The following TERF2 variants were observed in gnomAD, a reference collection of about 807,000 sequenced individuals.
TERF2 encodes telomeric repeat-binding factor 2.
In TERF2, 16 loss-of-function variants were observed where a neutral mutation model predicts 56.1. The ratio of observed to expected loss-of-function variants is 0.29; its 90% confidence interval spans 0.19 to 0.43. The LOEUF is 0.43. Among genes scored for constraint, TERF2 ranks in the 20% least tolerant of loss-of-function variants. The probability of loss-of-function intolerance (pLI) is 1.00; values close to 1 mark genes in which losing one functional copy is unlikely to be tolerated. For synonymous variants in TERF2, 296 were observed against 282.1 expected, an observed-to-expected ratio of 1.05 and a Z score of -0.50; for missense variants, 547 against 712.9, an observed-to-expected ratio of 0.77 and a Z score of 2.65.
rs1475791913 is a variant in TERF2, at chr16:69,356,954, T to C, written c.1573A>G (p.Thr525Ala). The C allele has an allele frequency of 6.2e-7, 1 of 1,613,974 alleles. No individual in the cohort carries two copies. The highest frequency in any genetic ancestry group is 8.5e-7 in the Non-Finnish European group (1 of 1,180,006). ...CAGCGATCCTTAATCATCACAGCTG[T>C]TCGGTTAACAAATGGGTAATTTTTA... is the stretch of plus-strand genomic sequence containing the variant. ...ISKNYPFVNR[T>A]AVMIKDRWRT... is the part of the protein sequence containing the mutation. Residue 525 changes from threonine to alanine, a missense_variant, in exon 10 of 10, where the codon ACA becomes GCA. Transcript: ENST00000254942.
Position 69,372,184 on chromosome 16 carries a change from C to A in TERF2, c.693+85G>T, listed in dbSNP as rs2013601115. 5.4e-6 allele frequency: 5 copies of A among 925,090 alleles called. No homozygotes were observed. In the East Asian group the frequency reaches 1.0e-4, roughly 19 times the overall value. 57.3% of individuals were successfully genotyped at this position (925,090 alleles called of 1,614,324 possible). A position where few individuals can be genotyped will look rare whatever the true frequency, so the allele number is the denominator to read the frequency against. ...GAAAGGAGAATATTTAAGTAATATT[C>A]CTGACCAAGAACCCTTTCCCTATTT... On this transcript the variant is annotated intron_variant, in intron 4 of 9. Coordinates refer to ENST00000254942, the MANE Select transcript of TERF2 (RefSeq NM_005652.5).
chr16:69,367,418 T>C (rs986202093), intron 6 of TERF2, among the ~76,000 whole-genome samples: 1 of 152,166 alleles, frequency 6.6e-6, no homozygotes, highest in Non-Finnish European at 1.5e-5. Flanking sequence ...TCCTAGACAG[T>C]AGATAGGACA....
At chr16:69,373,697 T>C (rs2013660245) in intron 3 of TERF2, among the ~76,000 whole-genome samples, 1 of 152,004 alleles carries the variant, frequency 6.6e-6, no homozygotes, top group Non-Finnish European at 1.5e-5. Flanking sequence ...CCCAGGCATG[T>C]TGGTGTGTGC....
chr16:69,370,219 T>C (rs908191799), intron 5 of TERF2: 7 of 442,278 alleles, frequency 1.6e-5, no homozygotes, highest in African/African-American at 1.2e-4. Context: ...TTAGTAGAGA[T>C]GGGGTTTCAC....
In TERF2 at chr16:69,385,446, G is replaced by C; in HGVS notation, c.420C>G (p.Ser140=). ...VRPLGKEHTV[S]RLLRVMQCLS... The stretch of plus-strand genomic sequence containing the variant: ...GACACTGCATAACCCGCAGCAATCG[G>C]GACACGGTGTGCTCCTTCCCCAAGG... The change falls in exon 2 of 10, where the codon TCC becomes TCG. Residue 140 remains serine (S), a synonymous_variant. Transcript: ENST00000254942. 6.2e-7 allele frequency: 1 copy of C among 1,614,082 alleles called. No homozygotes were observed. The highest frequency in any genetic ancestry group is 8.5e-7 in the Non-Finnish European group (1 of 1,180,010).
chr16:69,370,418 A>T, intron 5 of TERF2, 65 bp downstream of exon 5: 22 of 1,570,282 alleles, frequency 1.4e-5, no homozygotes, highest in Non-Finnish European at 1.9e-5. Flanking sequence ...TTCACTTCAG[A>T]TATTCTGATT....
At chr16:69,357,200 T>C (rs1240779688) in intron 9 of TERF2, 144 bp from the exon 10 acceptor site, 3 of 999,900 alleles carry the variant, frequency 3.0e-6, no homozygotes, top group African/African-American at 1.6e-5. Context: ...AAACATGGAA[T>C]GGACAAGATA....
At chr16:69,377,198 A>C (rs2013825016) in intron 3 of TERF2, among the ~76,000 whole-genome samples, 1 of 149,350 alleles carries the variant, frequency 6.7e-6, no homozygotes, top group Non-Finnish European at 1.5e-5. Flanking sequence ...GCAAGACTCC[A>C]TCTCAAAAAA....
At chr16:69,368,319 T>A in intron 6 of TERF2, 57 bp downstream of exon 6, 6 of 1,542,674 alleles carry the variant, frequency 3.9e-6, no homozygotes, top group Non-Finnish European at 5.4e-6. Flanking sequence ...AGGAGGAGAC[T>A]GCTTCCAGCG....
At chr16:69,382,247 A>C (rs2014030762) in intron 3 of TERF2, among the ~76,000 whole-genome samples, 1 of 152,268 alleles carries the variant, frequency 6.6e-6, no homozygotes, top group Non-Finnish European at 1.5e-5. Flanking sequence ...GAAAGATTCA[A>C]TATACTTTTA....
intron 3 of TERF2, among the ~76,000 whole-genome samples, chr16:69,374,183 T>C (rs1311293429): frequency 6.6e-6 from 1 of 152,198 alleles, no homozygotes; most frequent in Non-Finnish European, 1.5e-5. Context: ...ATCATACAGG[T>C]CTTACTGTTT....
Position 69,356,973 on chromosome 16 carries a change from A to G in TERF2, c.1554T>C (p.Asn518=). 1.2e-6 allele frequency: 2 copies of G among 1,613,972 alleles called. No individual in the cohort carries two copies. Among genetic ancestry groups the G allele is most frequent in the Non-Finnish European group, 1.7e-6 (2 of 1,180,002 alleles). The change falls in exon 10 of 10, where the codon AAT becomes AAC. Residue 518 remains asparagine (N), a synonymous_variant. Coordinates refer to ENST00000254942, the MANE Select transcript of TERF2 (RefSeq NM_005652.5). The part of the protein sequence containing the change: ...GEGNWAAISK[N]YPFVNRTAVM... ...CAGCTGTTCGGTTAACAAATGGGTA[A>G]TTTTTAGAAATGGCAGCCCAGTTTC...
intron 3 of TERF2, among the ~76,000 whole-genome samples, chr16:69,380,548 C>T (rs2013957323): frequency 6.6e-6 from 1 of 151,062 alleles, no homozygotes; most frequent in East Asian, 2.0e-4. Flanking sequence ...ATAACAGCTA[C>T]TTGGGAGGCT....
Position 69,385,916 on chromosome 16 carries a change from T to C in TERF2, c.56A>G (p.Asp19Gly), listed in dbSNP as rs773981277. 424 of 1,390,552 alleles carry C rather than the reference T, an allele frequency of 3.0e-4. No individual in the cohort carries two copies. The highest frequency in any genetic ancestry group is 2.6e-3 in the Middle Eastern group (10 of 3,844). 86.1% of individuals were successfully genotyped at this position (1,390,552 alleles called of 1,614,324 possible). A position where few individuals can be genotyped will look rare whatever the true frequency, so the allele number is the denominator to read the frequency against. The change falls in exon 1 of 10, where the codon GAC becomes GGC. Residue 19 changes from aspartate (D) to glycine (G), a missense_variant. By Grantham distance (94) the Asp-to-Gly change is moderately conservative. This residue lies in a region of TERF2 where 85 missense variants were observed against 59.5 expected (regional missense o/e 1.43). Coordinates refer to ENST00000254942, the MANE Select transcript of TERF2 (RefSeq NM_005652.5). ...GPASGPGVVR[D>G]PAASQPRKRP... ...CTTCCTCGGCTGTGACGCCGCTGGG[T>C]CACGCACGACGCCCGGGCCGGAAGC...
chr16:69,369,293 T>C (rs2013477704), intron 5 of TERF2, among the ~76,000 whole-genome samples: 2 of 152,162 alleles, frequency 1.3e-5, no homozygotes, highest in Non-Finnish European at 2.9e-5. Flanking sequence ...AATATGGGCC[T>C]GGCAGATCTG....
intron 8 of TERF2, 39 bp downstream of exon 8, chr16:69,361,365 C>T (rs530111583): frequency 5.7e-6 from 8 of 1,412,896 alleles, no homozygotes; most frequent in Non-Finnish European, 8.0e-6. Flanking sequence ...TGTACTTCAG[C>T]AAGCATCAAG....
intron 4 of TERF2, among the ~76,000 whole-genome samples, chr16:69,370,994 T>C (rs1335213271): frequency 6.8e-6 from 1 of 147,678 alleles, no homozygotes; most frequent in Non-Finnish European, 1.5e-5. Flanking sequence ...TGGATGTCTG[T>C]ACACACACAC....
chr16:69,376,899 AAAG>A (rs1301879410), intron 3 of TERF2, among the ~76,000 whole-genome samples: 1 of 151,054 alleles, frequency 6.6e-6, no homozygotes, highest in Admixed American at 6.6e-5. Context: ...AAGACAAAGA[AAAG>A]AAAGAAAATC....
intron 4 of TERF2, 83 bp from the exon 5 acceptor site, chr16:69,370,712 T>G: frequency 2.2e-6 from 3 of 1,371,924 alleles, no homozygotes; most frequent in Non-Finnish European, 3.0e-6. Context: ...ACAGACACTA[T>G]GAGAACTTCT....
Sources: allele counts gnomAD v4.1 joint callset (sites outside exome capture counted in the v4.1 genomes callset), GRCh38; gene constraint gnomAD v4.1.1; regional missense constraint gnomAD v4.1.1; transcripts MANE v1.5; gene names NCBI Gene and HGNC (gene_info 2026-07-23, HGNC 2026-07-21).